ARID4B: variants seen among roughly 807,000 people sequenced by gnomAD.
ARID4B encodes the protein AT-rich interactive domain-containing protein 4B.
ARID4B carries 26 observed loss-of-function variants against 147.5 expected under a neutral mutation model. The observed-to-expected ratio is 0.18, with a 90% CI of 0.13 to 0.24. The LOEUF (loss-of-function observed/expected upper bound fraction) is 0.24, where lower values mean the gene tolerates loss of function less well. Among genes scored for constraint, ARID4B ranks in the 10% least tolerant of loss-of-function variants. The probability of loss-of-function intolerance (pLI) is 1.00; values close to 1 mark genes in which losing one functional copy is unlikely to be tolerated. For missense variants in ARID4B, 1,179 were observed against 1,511.5 expected, an observed-to-expected ratio of 0.78 and a Z score of 3.65; for synonymous variants, 512 against 507.9, an observed-to-expected ratio of 1.01 and a Z score of -0.11.
chr1:235,323,461 G>C (rs2103313844), intron 2 of ARID4B, among the ~76,000 whole-genome samples: 1 of 152,030 alleles, frequency 6.6e-6, no homozygotes, highest in South Asian at 2.1e-4. Context: ...GTACAATATA[G>C]ATACAGGAAA....
In ARID4B at chr1:235,255,748, T is replaced by C. The variant is rs771059347; in HGVS notation, c.186A>G (p.Val62=). ...GATTCTTCACTTCCACAATAGCTCC[T>C]ACCTAAAGTATTTTTAAACATGTTA... ...QDDHIKGPLK[V]GAIVEVKNLD... is the part of the protein sequence containing the mutation. Residue 62 remains valine (V), a splice_region_variant and synonymous_variant, in exon 5 of 24, where the codon GTA becomes GTG. Transcript: ENST00000264183. The C allele has an allele frequency of 6.9e-6, 11 of 1,596,308 alleles. No homozygotes were observed. The East Asian group carries it at 2.5e-4, about 36-fold the overall frequency.
chr1:235,235,208 A>G (rs1668474317), intron 8 of ARID4B, among the ~76,000 whole-genome samples: 1 of 152,176 alleles, frequency 6.6e-6, no homozygotes, highest in African/African-American at 2.4e-5. Flanking sequence ...AAAAACAACA[A>G]AAAAGGGCCA....
chr1:235,241,178 A>G (rs1316219791), intron 7 of ARID4B, among the ~76,000 whole-genome samples: 1 of 152,232 alleles, frequency 6.6e-6, no homozygotes, highest in Non-Finnish European at 1.5e-5. Context: ...TCCAATTTGA[A>G]TCTGATTCTA....
intron 2 of ARID4B, among the ~76,000 whole-genome samples, chr1:235,323,197 C>T (rs1464306202): frequency 6.6e-6 from 1 of 151,938 alleles, no homozygotes; most frequent in African/African-American, 2.4e-5. Context: ...GCCACCATGC[C>T]CAGCTAATTT....
At chr1:235,183,444 G>A (rs1664458423) in intron 19 of ARID4B, among the ~76,000 whole-genome samples, 4 of 152,082 alleles carry the variant, frequency 2.6e-5, no homozygotes, top group South Asian at 4.1e-4. Context: ...TCCTGACCTC[G>A]TGACCCGCCC....
intron 5 of ARID4B, among the ~76,000 whole-genome samples, chr1:235,255,219 C>CTATATAGA (rs370660682): frequency 0.015 from 1,930 of 127,576 alleles, 25 homozygotes; most frequent in Non-Finnish European, 0.019. Flanking sequence ...CTGCTGGGAG[C>CTATATAGA]TAGATAGATA....
chr1:235,324,816 A>T (rs1675105229), intron 2 of ARID4B, among the ~76,000 whole-genome samples: 1 of 152,172 alleles, frequency 6.6e-6, no homozygotes, highest in South Asian at 2.1e-4. Context: ...AGTCCCAGCT[A>T]CTCAGGAGGC....
At chr1:235,282,489 G>C (rs1671725285) in intron 2 of ARID4B, among the ~76,000 whole-genome samples, 1 of 152,052 alleles carries the variant, frequency 6.6e-6, no homozygotes, top group Non-Finnish European at 1.5e-5. Flanking sequence ...AGCACAAGTA[G>C]GTAAACCAAG....
At chr1:235,205,359 T>C (rs924793584) in intron 17 of ARID4B, among the ~76,000 whole-genome samples, 1 of 152,218 alleles carries the variant, frequency 6.6e-6, no homozygotes, top group African/African-American at 2.4e-5. Flanking sequence ...AGAAAATTAA[T>C]ATTTCCAATC....
Position 235,216,330 on chromosome 1 carries a change from C to CAT in ARID4B, c.1584-2305_1584-2304insAT, listed in dbSNP as rs778183457. On this transcript the variant is annotated intron_variant, in intron 16 of 23. Transcript: ENST00000264183. Reference sequence around the variant, plus strand: ...ATGTATACACACACACACACACACACACATATATACGTGTATATATATATA... The same window carrying CAT: ...ATGTATACACACACACACACACACACATACATATATACGTGTATATATATATA... 1.0e-4 allele frequency among the ~76,000 whole-genome samples: 14 copies of CAT among 136,954 alleles called. 1 individual carries two copies. In the South Asian group the frequency reaches 1.8e-3, roughly 17 times the overall value. 89.8% of individuals were successfully genotyped at this position (136,954 alleles called of 152,430 possible).
chr1:235,196,605 C>A (rs995914429), intron 17 of ARID4B, among the ~76,000 whole-genome samples: 7 of 152,094 alleles, frequency 4.6e-5, no homozygotes, highest in African/African-American at 1.7e-4. Context: ...GTAATCCTAG[C>A]ACTTTTGGGA....
intron 2 of ARID4B, among the ~76,000 whole-genome samples, chr1:235,314,353 T>C (rs1474867868): frequency 6.6e-6 from 1 of 152,216 alleles, no homozygotes; most frequent in Admixed American, 6.5e-5. Context: ...TCATTTCATA[T>C]TTACACAACT....
At chr1:235,193,734 G>A (rs1011648104) in intron 19 of ARID4B, among the ~76,000 whole-genome samples, 3 of 152,112 alleles carry the variant, frequency 2.0e-5, no homozygotes, top group South Asian at 2.1e-4. Flanking sequence ...GAGTGCTGAC[G>A]TGATTCTGAA....
At chr1:235,288,927 T>C (rs1253806477) in intron 2 of ARID4B, among the ~76,000 whole-genome samples, 1 of 152,234 alleles carries the variant, frequency 6.6e-6, no homozygotes, top group African/African-American at 2.4e-5. Context: ...CAATCTGGCA[T>C]CTTGAACAGA....
In ARID4B at chr1:235,309,456, C is replaced by T. The variant is rs559100775; in HGVS notation, c.6+17458G>A. Among the ~76,000 whole-genome samples the T allele has an allele frequency of 8.1e-5, 12 of 148,990 alleles. 1 individual carries two copies. The South Asian group carries it at 2.2e-3, about 27-fold the overall frequency. On this transcript the variant is annotated intron_variant, in intron 2 of 23. Coordinates refer to ENST00000264183, the MANE Select transcript of ARID4B (RefSeq NM_016374.6). ...CAGCCCCCCGCCCGGCCAGCCGCCC[C>T]ATCCGGGAGGTAAGGGGCGCCTCTG...
At chr1:235,263,507 G>A (rs1486747070) in intron 2 of ARID4B, among the ~76,000 whole-genome samples, 1 of 152,030 alleles carries the variant, frequency 6.6e-6, no homozygotes, top group African/African-American at 2.4e-5. Flanking sequence ...GACTCCCTCC[G>A]CCCCCAAATT....
chr1:235,169,220 T>TC (rs1170447252), intron 23 of ARID4B, among the ~76,000 whole-genome samples: 1 of 151,812 alleles, frequency 6.6e-6, no homozygotes, highest in East Asian at 1.9e-4. Context: ...TCTCACTGTT[T>TC]CCTTTTTTCG....
rs980513580 is a variant in ARID4B, at chr1:235,173,360, A to AAAAAC, written c.3665-601_3665-597dup. ...CTCTGTCTAAAAATAACAAAAACAC[A>AAAAAC]AAAACAAAACAAAACAAAAAACCTG... is the stretch of plus-strand genomic sequence containing the variant. On this transcript the variant is annotated intron_variant, in intron 22 of 23. Transcript: ENST00000264183. Among the ~76,000 whole-genome samples the AAAAAC allele has an allele frequency of 4.6e-5, 7 of 152,210 alleles. No individual in the cohort carries two copies. The South Asian group carries it at 1.5e-3, about 32-fold the overall frequency.
chr1:235,185,610 T>C (rs778233615), intron 19 of ARID4B, among the ~76,000 whole-genome samples: 4 of 152,196 alleles, frequency 2.6e-5, no homozygotes, highest in South Asian at 2.1e-4. Context: ...CTAGAGCTCA[T>C]CGAGTAGTTT....
Sources: gnomAD v4.1 joint callset for allele counts (sites outside exome capture counted in the v4.1 genomes callset) on GRCh38, gnomAD v4.1.1 for gene constraint, MANE v1.5 for transcripts, NCBI Gene and HGNC (gene_info 2026-07-23, HGNC 2026-07-21) for gene names.